The following CLCA1 variants were observed in gnomAD, a reference collection of about 807,000 sequenced individuals.
CLCA1 encodes the protein chloride channel accessory 1.
Under a neutral mutation model 85.6 loss-of-function variants are expected in CLCA1, and 59 were observed. That is an observed-to-expected ratio of 0.69 (90% CI 0.56 to 0.86). CLCA1 has a LOEUF of 0.86. Among genes scored for constraint, CLCA1 ranks in the 40% least tolerant of loss-of-function variants. CLCA1 has a pLI of 0.00. For synonymous variants in CLCA1, 396 were observed against 398.3 expected (o/e 0.99, Z 0.07); for missense variants, 1,022 against 1,101.4 (o/e 0.93, Z 1.02).
At chr1:86,476,376 G>T in intron 3 of CLCA1, 72 bp from the exon 4 acceptor site, 2 of 730,496 alleles carry the variant, frequency 2.7e-6, no homozygotes, top group South Asian at 3.4e-5. Context: ...TCCAAACATT[G>T]CTTTCTTCCA....
chr1:86,471,756 C>G (rs1374498290), intron 1 of CLCA1, among the ~76,000 whole-genome samples: 1 of 151,996 alleles, frequency 6.6e-6, no homozygotes, highest in Non-Finnish European at 1.5e-5. Context: ...ATTAAGAACA[C>G]TTAAAAAAAT....
At chr1:86,477,069 C>G (rs1279683590) in intron 4 of CLCA1, among the ~76,000 whole-genome samples, 2 of 152,032 alleles carry the variant, frequency 1.3e-5, no homozygotes, top group Non-Finnish European at 2.9e-5. Flanking sequence ...ATTACCACAT[C>G]AGACTAATTT....
chr1:86,469,401 T>C (rs1351076142), intron 1 of CLCA1, among the ~76,000 whole-genome samples: 2 of 152,230 alleles, frequency 1.3e-5, no homozygotes, highest in Non-Finnish European at 1.5e-5. Flanking sequence ...CTGTGGATTA[T>C]GTCACTGAAA....
intron 9 of CLCA1, among the ~76,000 whole-genome samples, chr1:86,492,770 C>T (rs1040671809): frequency 6.6e-6 from 1 of 152,218 alleles, no homozygotes; most frequent in Non-Finnish European, 1.5e-5. Context: ...TACTACCTGA[C>T]TTAGCAATTA....
At chr1:86,477,997 C>T (rs1157309044) in intron 4 of CLCA1, among the ~76,000 whole-genome samples, 1 of 152,178 alleles carries the variant, frequency 6.6e-6, no homozygotes, top group Non-Finnish European at 1.5e-5. Flanking sequence ...GGGCTCAGAA[C>T]ACAGATTTGG....
chr1:86,469,538 C>T (rs1242978872), intron 1 of CLCA1, among the ~76,000 whole-genome samples: 1 of 152,120 alleles, frequency 6.6e-6, no homozygotes, highest in Admixed American at 6.5e-5. Context: ...AATAGGAACC[C>T]CCTTCCCTGT....
In CLCA1 at chr1:86,489,171, G is replaced by T; in HGVS notation, c.1357+1G>T. The T allele has an allele frequency of 6.2e-7, 1 of 1,613,256 alleles. No individual in the cohort carries two copies. Among genetic ancestry groups the T allele is most frequent in the Non-Finnish European group, 8.5e-7 (1 of 1,179,626 alleles). ...CTAGAGGAGCTGTCCAAAATGACAG[G>T]TGAGGGATGATTTGCTGAGACCCCC... On this transcript the variant is annotated splice_donor_variant, in intron 8 of 13. Transcript: ENST00000394711. LOFTEE classifies it high-confidence loss of function.
At chr1:86,488,006 C>A (rs1648028925) in intron 7 of CLCA1, among the ~76,000 whole-genome samples, 1 of 152,232 alleles carries the variant, frequency 6.6e-6, no homozygotes, top group African/African-American at 2.4e-5. Context: ...GACACAGCAA[C>A]AGCAACAGTC....
intron 8 of CLCA1, 143 bp from the exon 9 acceptor site, chr1:86,491,122 G>T (rs1648123933): frequency 1.9e-6 from 1 of 530,086 alleles, no homozygotes; most frequent in South Asian, 3.0e-5. Flanking sequence ...CTGAGTTAAT[G>T]TAGGCACCTA....
At position 86,489,019 on chromosome 1, in the gene CLCA1, T is replaced by G; in HGVS notation, c.1206T>G (p.Thr402=). ...AGGTGATTAGGAAGAAATATCCAAC[T>G]GATGGATCTGAAATTGTGCTGCTGA... ...AFTVIRKKYP[T]DGSEIVLLTD... Residue 402 remains threonine, a synonymous_variant, in exon 8 of 14, where the codon ACT becomes ACG. Transcript: ENST00000394711. 6.2e-7 allele frequency: 1 copy of G among 1,614,108 alleles called. No homozygotes were observed. The highest frequency in any genetic ancestry group is 1.7e-5 in the Admixed American group (1 of 60,026).
In CLCA1 at chr1:86,498,556, T is replaced by C. The variant is rs751875638; in HGVS notation, c.2114-16T>C. The stretch of plus-strand genomic sequence containing the variant: ...GTGATGTTGCTTACCATATTTTGAG[T>C]ATTTTTTTAATGCAGATGAAATACA... On this transcript the variant is annotated splice_polypyrimidine_tract_variant and intron_variant, in intron 12 of 13. Coordinates refer to ENST00000394711, the MANE Select transcript of CLCA1 (RefSeq NM_001285.4). 6.2e-7 allele frequency: 1 copy of C among 1,607,674 alleles called. No individual in the cohort carries two copies. Among genetic ancestry groups the C allele is most frequent in the East Asian group, 2.2e-5 (1 of 44,682 alleles).
intron 1 of CLCA1, among the ~76,000 whole-genome samples, chr1:86,470,627 G>T (rs5744306): frequency 0.062 from 9,505 of 152,246 alleles, 363 homozygotes; most frequent in South Asian, 0.12. Context: ...TTATTAAATT[G>T]TCTTTCCAGT....
chr1:86,471,799 G>A (rs996848223), intron 1 of CLCA1, among the ~76,000 whole-genome samples: 5 of 152,078 alleles, frequency 3.3e-5, no homozygotes, highest in African/African-American at 1.2e-4. Flanking sequence ...ATTTGAAAGG[G>A]AGAAATTGAG....
At chr1:86,470,734 C>A (rs1647478569) in intron 1 of CLCA1, among the ~76,000 whole-genome samples, 1 of 152,164 alleles carries the variant, frequency 6.6e-6, no homozygotes, top group Admixed American at 6.5e-5. Context: ...AAGTCCCTAA[C>A]TCCTTCCTAT....
At chr1:86,469,211 C>A in intron 1 of CLCA1, 78 bp downstream of exon 1, 1 of 975,806 alleles carries the variant, frequency 1.0e-6, no homozygotes, top group Admixed American at 2.5e-5. Flanking sequence ...TGCCCTATTC[C>A]AGCTGCACGA....
chr1:86,482,736 A>T (rs1283901297), intron 5 of CLCA1, among the ~76,000 whole-genome samples: 1 of 152,248 alleles, frequency 6.6e-6, no homozygotes, highest in Non-Finnish European at 1.5e-5. Context: ...AGACATGATC[A>T]GTAGGCTCTT....
chr1:86,475,481 G>A (rs1647616206), intron 3 of CLCA1, among the ~76,000 whole-genome samples: 1 of 152,182 alleles, frequency 6.6e-6, no homozygotes, highest in South Asian at 2.1e-4. Flanking sequence ...AAGTCATATT[G>A]TCTGTCCTCA....
At chr1:86,478,864 G>A (rs1033092150) in intron 4 of CLCA1, among the ~76,000 whole-genome samples, 1 of 152,138 alleles carries the variant, frequency 6.6e-6, no homozygotes, top group East Asian at 1.9e-4. Context: ...AGGCTTAGAA[G>A]CAATCACACA....
chr1:86,480,129 A>G (rs1370156165), intron 4 of CLCA1, among the ~76,000 whole-genome samples: 1 of 152,230 alleles, frequency 6.6e-6, no homozygotes, highest in South Asian at 2.1e-4. Flanking sequence ...CCTAGATAAC[A>G]AAACTCTTTC....
Sources: gnomAD v4.1 joint callset for allele counts (sites outside exome capture counted in the v4.1 genomes callset) on GRCh38, gnomAD v4.1.1 for gene constraint, MANE v1.5 for transcripts, NCBI Gene and HGNC (gene_info 2026-07-23, HGNC 2026-07-21) for gene names.